Variants in RIF1 observed in about 807,000 individuals in gnomAD.
The protein encoded by RIF1 is telomere-associated protein RIF1.
In RIF1, 45 loss-of-function variants were observed where a neutral mutation model predicts 247.1. The observed-to-expected ratio is 0.18, with a 90% CI of 0.14 to 0.23. The LOEUF is 0.23. Among genes scored for constraint, RIF1 ranks in the 10% least tolerant of loss-of-function variants. The pLI is 1.00. For missense variants in RIF1, 2,967 were observed against 2,862.5 expected, an observed-to-expected ratio of 1.04 and a Z score of -0.83; for synonymous variants, 1,087 against 978.8, an observed-to-expected ratio of 1.11 and a Z score of -2.06.
At position 151,496,293 on chromosome 2, in the gene RIF1, G is replaced by A; in HGVS notation, c.*513+967G>A. 6.2e-7 allele frequency: 1 copy of A among 1,610,028 alleles called. No homozygotes were observed. Among genetic ancestry groups the A allele is most frequent in the South Asian group, 1.1e-5 (1 of 90,382 alleles). Reference sequence around the variant, plus strand: ...CCAAGTACCGAGCTAATATTTTCTTGATTGTGTTTGACTCGCTCCATCTCG... The same window carrying A: ...CCAAGTACCGAGCTAATATTTTCTTAATTGTGTTTGACTCGCTCCATCTCG... On this transcript the variant is annotated intron_variant and NMD_transcript_variant, in intron 10 of 13. Transcript: ENST00000454583.
chr2:151,497,834 C>CA (rs2061329828), intron 10 of RIF1: 3 of 1,523,872 alleles, frequency 2.0e-6, no homozygotes, highest in Non-Finnish European at 1.8e-6. Context: ...TATATGCTGA[C>CA]AAAATGCCAC....
intron 10 of RIF1, among the ~76,000 whole-genome samples, chr2:151,433,753 C>T (rs1378739136): frequency 6.6e-6 from 1 of 152,020 alleles, no homozygotes; most frequent in African/African-American, 2.4e-5. Context: ...CCGCGCCTGG[C>T]CCTGAAATGT....
the RIF1 span, chr2:151,531,798 G>A: frequency 6.2e-7 from 1 of 1,608,842 alleles, no homozygotes; most frequent in Non-Finnish European, 8.5e-7. Context: ...TTACATCGCT[G>A]ATTTGTTTGT....
At chr2:151,521,844 G>A in the RIF1 span, among the ~76,000 whole-genome samples, 1 of 152,162 alleles carries the variant, frequency 6.6e-6, no homozygotes, top group Non-Finnish European at 1.5e-5. Context: ...ATGAATCTGA[G>A]TTCAGCACTT....
In RIF1 at chr2:151,410,034, G is replaced by C. The variant is rs980307348; in HGVS notation, c.-11+1G>C. 1 of 702,952 alleles carries C rather than the reference G, an allele frequency of 1.4e-6. No individual in the cohort carries two copies. The highest frequency in any genetic ancestry group is 1.7e-5 in the African/African-American group (1 of 57,388). 43.5% of individuals were successfully genotyped at this position (702,952 alleles called of 1,614,324 possible). A position where few individuals can be genotyped will look rare whatever the true frequency, so the allele number is the denominator to read the frequency against. ...GAGAACCCTGTCCTGATCTTCCTAGGTGGGATAAATATCGGGGTGACAGTG... is the reference window on the plus strand; with the variant it reads ...GAGAACCCTGTCCTGATCTTCCTAGCTGGGATAAATATCGGGGTGACAGTG... On this transcript the variant is annotated splice_donor_variant, in intron 1 of 35. Coordinates refer to ENST00000444746, the MANE Select transcript of RIF1 (RefSeq NM_018151.5). LOFTEE classifies it low-confidence loss of function (5UTR_SPLICE).
chr2:151,507,228 T>G (rs2069867148), intron 13 of RIF1: 1 of 482,614 alleles, frequency 2.1e-6, no homozygotes, highest in African/African-American at 2.0e-5. Flanking sequence ...TTTGTTTTTG[T>G]TTAAGTATCC....
intron 34 of RIF1, among the ~76,000 whole-genome samples, chr2:151,473,384 C>G (rs1016209638): frequency 1.3e-5 from 2 of 150,450 alleles, no homozygotes; most frequent in Non-Finnish European, 3.0e-5. Context: ...GCAGCTGCAC[C>G]TCCTGGACTC....
intron 30 of RIF1, among the ~76,000 whole-genome samples, chr2:151,467,272 A>G (rs1349100520): frequency 6.6e-6 from 1 of 152,044 alleles, no homozygotes; most frequent in African/African-American, 2.4e-5. Context: ...ACTCTTATTC[A>G]TGTGTCTGAA....
chr2:151,484,705 G>GT (rs1224924807), downstream of RIF1, among the ~76,000 whole-genome samples: 1 of 152,224 alleles, frequency 6.6e-6, no homozygotes, highest in Non-Finnish European at 1.5e-5. Context: ...TTTTTATCCA[G>GT]TTTAAGGCAA....
chr2:151,475,249 A>G lies in RIF1; in HGVS notation c.*178A>G, dbSNP rs2048871613. On this transcript the variant is annotated 3_prime_UTR_variant, in exon 36 of 36. Coordinates refer to ENST00000444746, the MANE Select transcript of RIF1 (RefSeq NM_018151.5). The stretch of plus-strand genomic sequence containing the variant: ...GTTCAATTTTGTAAGTTCATTATGT[A>G]AGATCCTTTTTTTTTTCATAATATG... The G allele has an allele frequency of 5.2e-6, 3 of 582,070 alleles. No homozygotes were observed. The highest frequency in any genetic ancestry group is 9.0e-6 in the Non-Finnish European group (3 of 333,286). 36.1% of individuals were successfully genotyped at this position (582,070 alleles called of 1,614,324 possible). A position where few individuals can be genotyped will look rare whatever the true frequency, so the allele number is the denominator to read the frequency against.
At chr2:151,436,186 A>G (rs1052547397) in intron 11 of RIF1, among the ~76,000 whole-genome samples, 6 of 152,138 alleles carry the variant, frequency 3.9e-5, no homozygotes. Flanking sequence ...AGATCTCGCC[A>G]CTGCACTCCA....
the RIF1 span, among the ~76,000 whole-genome samples, chr2:151,533,843 TAAG>T: frequency 1.7e-4 from 26 of 152,256 alleles, no homozygotes; most frequent in Non-Finnish European, 1.8e-4. Context: ...AGATATATAG[TAAG>T]GAGTTATGTC....
chr2:151,503,465 C>A, intron 12 of RIF1: 1 of 1,509,110 alleles, frequency 6.6e-7, no homozygotes, highest in Non-Finnish European at 9.2e-7. Context: ...TTAGAATACC[C>A]AGAAAGGTAA....
In RIF1 at chr2:151,469,797, C is replaced by G. The variant is rs956463719; in HGVS notation, c.7028C>G (p.Thr2343Ser). 2 of 1,611,774 alleles carry G rather than the reference C, an allele frequency of 1.2e-6. No homozygotes were observed. The highest frequency in any genetic ancestry group is 1.3e-5 in the African/African-American group (1 of 74,970). The change falls in exon 34 of 36, where the codon ACT (threonine) becomes AGT (serine). Residue 2343 changes from threonine to serine, a missense_variant. This residue lies in a region of RIF1 where 151 missense variants were observed against 163.4 expected (regional missense o/e 0.92). Coordinates refer to ENST00000444746, the MANE Select transcript of RIF1 (RefSeq NM_018151.5). ...LSTLTASEIK[T>S]LPIRSPKVSN... is the part of the protein sequence containing the mutation. ...ACTCTTACAGCATCTGAAATAAAAACTCTTCCTATCCGTTCTCCAAAAGTG... is the reference window on the plus strand; with the variant it reads ...ACTCTTACAGCATCTGAAATAAAAAGTCTTCCTATCCGTTCTCCAAAAGTG...
chr2:151,509,640 G>A (rs1278832914), downstream of RIF1, among the ~76,000 whole-genome samples: 1 of 151,626 alleles, frequency 6.6e-6, no homozygotes, highest in Non-Finnish European at 1.5e-5. Flanking sequence ...TTGGTTTTTT[G>A]TTTTTTGAGG....
chr2:151,443,354 C>A, intron 17 of RIF1, 25 bp downstream of exon 17: 1 of 1,484,004 alleles, frequency 6.7e-7, no homozygotes, highest in Non-Finnish European at 9.3e-7. Flanking sequence ...TAACTTGAAA[C>A]TTTGTCTTGG....
In RIF1 at chr2:151,437,359, AATTTG is replaced by A. The variant is rs1360741707; in HGVS notation, c.1483+13_1483+17del. The A allele has an allele frequency of 6.3e-7, 1 of 1,587,074 alleles. No homozygotes were observed. The highest frequency in any genetic ancestry group is 1.3e-5 in the African/African-American group (1 of 74,306). On this transcript the variant is annotated intron_variant, in intron 13 of 35. Transcript: ENST00000444746. ...TTGGAAAAGATGCCCCCGGTAAGAG[AATTTG>A]ATTTATTATTTGCTCAAATGTGTGT...
chr2:151,484,600 CA>C (rs1284893738), downstream of RIF1, among the ~76,000 whole-genome samples: 3 of 151,858 alleles, frequency 2.0e-5, no homozygotes, highest in South Asian at 6.2e-4. Context: ...TGTCTCCAAA[CA>C]AAAAAATGGC....
Position 151,429,754 on chromosome 2 carries a change from ATTTACT to A in RIF1, c.925+835_925+840del, listed in dbSNP as rs1689739186. The stretch of plus-strand genomic sequence containing the variant: ...TGATATATGGAAGTCATTCTTTTTG[ATTTACT>A]TTAACCTTATCTTCTTATTGTTCAA... On this transcript the variant is annotated intron_variant, in intron 9 of 35. Coordinates refer to ENST00000444746, the MANE Select transcript of RIF1 (RefSeq NM_018151.5). Among the ~76,000 whole-genome samples, 6 of 152,066 alleles carry A rather than the reference ATTTACT, an allele frequency of 3.9e-5. No homozygotes were observed. The South Asian group carries it at 1.2e-3, about 32-fold the overall frequency.
Sources: gnomAD v4.1 joint callset for allele counts (sites outside exome capture counted in the v4.1 genomes callset) on GRCh38, gnomAD v4.1.1 for gene constraint, gnomAD v4.1.1 regional missense constraint, MANE v1.5 for transcripts, NCBI Gene and HGNC (gene_info 2026-07-23, HGNC 2026-07-21) for gene names.